The following FAM81A variants were observed in gnomAD, a reference collection of about 807,000 sequenced individuals.
FAM81A encodes the protein protein FAM81A.
In FAM81A, 19 loss-of-function variants were observed where a neutral mutation model predicts 46.7. The observed-to-expected ratio is 0.41, with a 90% CI of 0.28 to 0.60. The LOEUF is 0.60. Among genes scored for constraint, FAM81A ranks in the 20% least tolerant of loss-of-function variants. The pLI is 0.34. For synonymous variants in FAM81A, 183 were observed against 152.9 expected, an observed-to-expected ratio of 1.20 and a Z score of -1.45; for missense variants, 377 against 453.5, an observed-to-expected ratio of 0.83 and a Z score of 1.53.
At chr15:59,502,670 C>T (rs1036838185) in intron 4 of FAM81A, among the ~76,000 whole-genome samples, 17 of 152,018 alleles carry the variant, frequency 1.1e-4, no homozygotes, top group African/African-American at 4.8e-5. Context: ...CCTACCACCA[C>T]GCCCGGCTAA....
At chr15:59,503,629 A>G (rs977396558) in intron 4 of FAM81A, among the ~76,000 whole-genome samples, 4 of 152,030 alleles carry the variant, frequency 2.6e-5, no homozygotes, top group South Asian at 2.1e-4. Flanking sequence ...CTGGAGTGCA[A>G]TGGCGCAGTC....
At chr15:59,472,602 G>A (rs1439720233) in intron 3 of FAM81A, among the ~76,000 whole-genome samples, 3 of 150,058 alleles carry the variant, frequency 2.0e-5, no homozygotes, top group African/African-American at 7.4e-5. Context: ...GGGTCTGGCT[G>A]TGCAGTGGTA....
intron 1 of FAM81A, among the ~76,000 whole-genome samples, chr15:59,399,725 T>A (rs186728269): frequency 6.6e-6 from 1 of 152,286 alleles, no homozygotes; most frequent in East Asian, 1.9e-4. Flanking sequence ...TGCGAGGCGC[T>A]GGCCAGTCCT....
chr15:59,422,755 C>T (rs1294128309), intron 2 of FAM81A, among the ~76,000 whole-genome samples: 7 of 152,114 alleles, frequency 4.6e-5, no homozygotes, highest in African/African-American at 7.2e-5. Context: ...GGATTACAGG[C>T]GTGAGCCACA....
chr15:59,473,546 T>C (rs1455874522), intron 3 of FAM81A, among the ~76,000 whole-genome samples: 1 of 152,196 alleles, frequency 6.6e-6, no homozygotes, highest in African/African-American at 2.4e-5. Context: ...TGTTTCACAT[T>C]AGAAAATACT....
intron 3 of FAM81A, among the ~76,000 whole-genome samples, chr15:59,484,176 G>T (rs2081889503): frequency 6.6e-6 from 1 of 152,196 alleles, no homozygotes; most frequent in African/African-American, 2.4e-5. Flanking sequence ...AGGTGCAGAT[G>T]AAATAGAAAA....
intron 3 of FAM81A, among the ~76,000 whole-genome samples, chr15:59,476,760 A>G (rs1377682073): frequency 1.3e-5 from 2 of 152,044 alleles, no homozygotes; most frequent in Non-Finnish European, 2.9e-5. Context: ...ACTGCACTCC[A>G]GCCTGGCTGA....
At chr15:59,464,103 A>T (rs1400487301) in intron 3 of FAM81A, among the ~76,000 whole-genome samples, 1 of 152,202 alleles carries the variant, frequency 6.6e-6, no homozygotes, top group Admixed American at 6.5e-5. Flanking sequence ...TTCACATAAC[A>T]TAATGTCCTG....
intron 1 of FAM81A, among the ~76,000 whole-genome samples, chr15:59,458,088 T>C (rs2141635801): frequency 6.6e-6 from 1 of 152,340 alleles, no homozygotes; most frequent in South Asian, 2.1e-4. Flanking sequence ...TTATTTGAGA[T>C]TAATTTAGAA....
Position 59,472,402 on chromosome 15 carries a change from A to G in FAM81A, c.294+12196A>G, listed in dbSNP as rs567906245. Reference sequence around the variant, plus strand: ...AAAACCTGAGCAGGCTAATTCAAAGACTGGAAATGGCCATAGTACCTTCCT... The same window carrying G: ...AAAACCTGAGCAGGCTAATTCAAAGGCTGGAAATGGCCATAGTACCTTCCT... On this transcript the variant is annotated intron_variant, in intron 3 of 8. Coordinates refer to ENST00000288228, the MANE Select transcript of FAM81A (RefSeq NM_152450.3). Among the ~76,000 whole-genome samples, 395 of 152,216 alleles carry G rather than the reference A, an allele frequency of 2.6e-3. 3 individuals are homozygous for G. Among genetic ancestry groups the G allele is most frequent in the African/African-American group, 9.3e-3 (387 of 41,542 alleles).
chr15:59,482,915 C>T (rs760365841), intron 3 of FAM81A, among the ~76,000 whole-genome samples: 27 of 151,934 alleles, frequency 1.8e-4, no homozygotes, highest in Non-Finnish European at 3.2e-4. Context: ...TCATATGACT[C>T]ACATTTTGTC....
Position 59,460,048 on chromosome 15 carries a change from G to T in FAM81A, c.136G>T (p.Ala46Ser). 6.2e-7 allele frequency: 1 copy of T among 1,613,892 alleles called. No individual in the cohort carries two copies. The highest frequency in any genetic ancestry group is 8.5e-7 in the Non-Finnish European group (1 of 1,179,874). The change falls in exon 3 of 9, where the codon GCC becomes TCC. Residue 46 changes from alanine to serine, a missense_variant. Transcript: ENST00000288228. The surrounding 1 kb of genome is among the most constrained non-coding windows in gnomAD (Gnocchi z 4.4). ...RILCHEKTTA[A>S]LVEHAFRIKD... ...CCTCTGCCATGAGAAAACCACCGCC[G>T]CCCTCGTAGAGCACGCCTTTCGGAT...
At chr15:59,479,966 G>T (rs1247348122) in intron 3 of FAM81A, among the ~76,000 whole-genome samples, 1 of 152,160 alleles carries the variant, frequency 6.6e-6, no homozygotes, top group Admixed American at 6.5e-5. Flanking sequence ...CTACTTCGTG[G>T]AGAAGGATTT....
chr15:59,459,427 C>T (rs1179779779), intron 2 of FAM81A, among the ~76,000 whole-genome samples: 1 of 152,214 alleles, frequency 6.6e-6, no homozygotes, highest in Non-Finnish European at 1.5e-5. Flanking sequence ...CCCTGATGGT[C>T]ACTCATGGGT....
At chr15:59,509,020 T>G in intron 6 of FAM81A, 51 bp downstream of exon 6, 1 of 1,334,700 alleles carries the variant, frequency 7.5e-7, no homozygotes, top group South Asian at 1.4e-5. Context: ...TTTATGAGTT[T>G]ATGCAATACT....
intron 3 of FAM81A, among the ~76,000 whole-genome samples, chr15:59,469,609 C>G (rs2081659053): frequency 6.6e-6 from 1 of 150,914 alleles, no homozygotes; most frequent in Admixed American, 6.6e-5. Context: ...CTGTGTGTGT[C>G]TTTGCACATG....
intron 1 of FAM81A, among the ~76,000 whole-genome samples, chr15:59,398,342 G>A (rs1596455322): frequency 6.6e-6 from 1 of 152,278 alleles, no homozygotes; most frequent in East Asian, 1.9e-4. Context: ...TTTGGATTAG[G>A]TTTTTCTGCA....
intron 2 of FAM81A, among the ~76,000 whole-genome samples, chr15:59,422,745 G>A (rs866099296): frequency 6.6e-6 from 1 of 152,134 alleles, no homozygotes; most frequent in African/African-American, 2.4e-5. Flanking sequence ...CAAAGTGCTG[G>A]GATTACAGGC....
intron 4 of FAM81A, among the ~76,000 whole-genome samples, chr15:59,493,912 T>G (rs1032796305): frequency 1.3e-5 from 2 of 152,082 alleles, no homozygotes; most frequent in South Asian, 4.1e-4. Flanking sequence ...TAACTTCTTT[T>G]CAGTCTTTAA....
Sources: allele counts gnomAD v4.1 joint callset (sites outside exome capture counted in the v4.1 genomes callset), GRCh38; gene constraint gnomAD v4.1.1; non-coding constraint Gnocchi (gnomAD v3.1); transcripts MANE v1.5; gene names NCBI Gene and HGNC (gene_info 2026-07-23, HGNC 2026-07-21).